Variants in PTPRZ1 observed in about 807,000 individuals in gnomAD.
PTPRZ1 encodes the protein receptor-type tyrosine-protein phosphatase zeta.
In PTPRZ1, 82 loss-of-function variants were observed where a neutral mutation model predicts 214.1. The observed-to-expected ratio is 0.38, with a 90% CI of 0.32 to 0.46. The LOEUF (loss-of-function observed/expected upper bound fraction) is 0.46. Ranked by LOEUF, PTPRZ1 falls within the 20% of genes least tolerant of loss-of-function variation. The pLI is 1.00. For missense variants in PTPRZ1, 2,603 were observed against 2,748.7 expected (o/e 0.95, Z 1.19); for synonymous variants, 945 against 987.9 (o/e 0.96, Z 0.81).
intron 8 of PTPRZ1, among the ~76,000 whole-genome samples, chr7:121,987,662 T>C (rs1056454042): frequency 1.3e-5 from 2 of 152,208 alleles, no homozygotes; most frequent in Non-Finnish European, 2.9e-5. Context: ...TGATTAGTGA[T>C]GGTGAGTAGT....
chr7:121,976,668 G>T, intron 5 of PTPRZ1, 117 bp from the exon 6 acceptor site: 3 of 806,240 alleles, frequency 3.7e-6, no homozygotes, highest in Non-Finnish European at 5.5e-6. Context: ...AGTGTTTTTG[G>T]AACTTACTAT....
intron 22 of PTPRZ1, among the ~76,000 whole-genome samples, chr7:122,044,195 A>C (rs938335148): frequency 1.3e-5 from 2 of 152,178 alleles, no homozygotes; most frequent in Non-Finnish European, 2.9e-5. Context: ...TGTATTGCCA[A>C]CAATACATAA....
intron 1 of PTPRZ1, among the ~76,000 whole-genome samples, chr7:121,874,667 C>T (rs565432325): frequency 6.6e-6 from 1 of 152,276 alleles, no homozygotes; most frequent in South Asian, 2.1e-4. Context: ...ATGAAAATTA[C>T]ATTGCAAATA....
intron 1 of PTPRZ1, among the ~76,000 whole-genome samples, chr7:121,898,845 G>T (rs1001431224): frequency 6.6e-6 from 1 of 152,216 alleles, no homozygotes; most frequent in East Asian, 1.9e-4. Context: ...AGCTTCAGGG[G>T]AAAAAAGCTA....
intron 6 of PTPRZ1, among the ~76,000 whole-genome samples, chr7:121,979,652 G>A (rs1367548923): frequency 1.3e-5 from 2 of 152,066 alleles, no homozygotes; most frequent in Non-Finnish European, 2.9e-5. Context: ...TCTCATGGAC[G>A]GATCTGATTA....
chr7:121,914,408 A>G (rs1337880919), intron 1 of PTPRZ1, among the ~76,000 whole-genome samples: 2 of 152,156 alleles, frequency 1.3e-5, no homozygotes, highest in African/African-American at 2.4e-5. Flanking sequence ...AGCTTTATGT[A>G]TAGAAAAGGT....
intron 1 of PTPRZ1, among the ~76,000 whole-genome samples, chr7:121,895,770 TCA>T (rs1563005824): frequency 6.6e-6 from 1 of 152,214 alleles, no homozygotes. Flanking sequence ...AAAATAATTG[TCA>T]GTGAAATGCA....
chr7:121,960,391 A>G (rs948800824), intron 2 of PTPRZ1, among the ~76,000 whole-genome samples: 1 of 152,216 alleles, frequency 6.6e-6, no homozygotes, highest in Non-Finnish European at 1.5e-5. Flanking sequence ...CAAGAAATTC[A>G]TTAAGAATGA....
intron 8 of PTPRZ1, among the ~76,000 whole-genome samples, chr7:121,985,801 C>T (rs990010851): frequency 6.6e-6 from 1 of 152,174 alleles, no homozygotes; most frequent in African/African-American, 2.4e-5. Context: ...ACGATGTGCT[C>T]AGCTTCTCCA....
At chr7:122,001,419 C>T (rs1389655837) in intron 10 of PTPRZ1, among the ~76,000 whole-genome samples, 2 of 151,956 alleles carry the variant, frequency 1.3e-5, no homozygotes, top group African/African-American at 2.4e-5. Flanking sequence ...GTTTTAGGGC[C>T]TTGATAATTA....
At chr7:121,985,884 C>T (rs1422659062) in intron 8 of PTPRZ1, among the ~76,000 whole-genome samples, 1 of 152,142 alleles carries the variant, frequency 6.6e-6, no homozygotes, top group Admixed American at 6.6e-5. Flanking sequence ...TCTCTGAGCC[C>T]CATAATGGAA....
chr7:122,033,826 C>A, intron 15 of PTPRZ1: 2 of 445,418 alleles, frequency 4.5e-6, no homozygotes, highest in Non-Finnish European at 7.9e-6. Context: ...CTCTCATCTG[C>A]ATTTTTAAAA....
chr7:121,899,774 C>T (rs1016302666), intron 1 of PTPRZ1, among the ~76,000 whole-genome samples: 2 of 152,190 alleles, frequency 1.3e-5, no homozygotes, highest in African/African-American at 4.8e-5. Context: ...GAGAGTATTA[C>T]ATGGTGTTCA....
Position 122,040,836 on chromosome 7 carries a change from C to A in PTPRZ1, c.5658C>A (p.Pro1886=). The A allele has an allele frequency of 6.4e-7, 1 of 1,572,678 alleles. No individual in the cohort carries two copies. Among genetic ancestry groups the A allele is most frequent in the South Asian group, 1.1e-5 (1 of 87,104 alleles). The change falls in exon 21 of 30, where the codon CCC becomes CCA. Residue 1886 remains proline (P), a synonymous_variant. Transcript: ENST00000393386. ...KIKKGSQKGR[P]SGRVVTQYHY... ...TCCAGGGCTCCCAGAAAGGAAGACCCAGTGGACGTGTGGTCACACAGTATC... is the reference window on the plus strand; with the variant it reads ...TCCAGGGCTCCCAGAAAGGAAGACCAAGTGGACGTGTGGTCACACAGTATC...
Position 122,061,226 on chromosome 7 carries a change from A to G in PTPRZ1, c.*6A>G. 3 of 1,579,542 alleles carry G rather than the reference A, an allele frequency of 1.9e-6. No individual in the cohort carries two copies. The highest frequency in any genetic ancestry group is 2.6e-6 in the Non-Finnish European group (3 of 1,159,436). On this transcript the variant is annotated 3_prime_UTR_variant, in exon 30 of 30. Coordinates refer to ENST00000393386, the MANE Select transcript of PTPRZ1 (RefSeq NM_002851.3). ...GCTTAGAGTCTTTAGTTTAACACAGAAAGGGGTGGGGGAACTCACATCTGA... is the reference window on the plus strand; with the variant it reads ...GCTTAGAGTCTTTAGTTTAACACAGGAAGGGGTGGGGGAACTCACATCTGA...
chr7:122,053,877 A>G, intron 25 of PTPRZ1, 33 bp from the exon 26 acceptor site: 1 of 1,609,934 alleles, frequency 6.2e-7, no homozygotes, highest in Non-Finnish European at 8.5e-7. Context: ...GGCATACGCC[A>G]GTGCTGTTTT....
chr7:122,010,031 G>A (rs969233918), intron 11 of PTPRZ1, among the ~76,000 whole-genome samples: 18 of 152,106 alleles, frequency 1.2e-4, no homozygotes, highest in Admixed American at 2.6e-4. Context: ...AAATAACACT[G>A]TCAATAAATA....
chr7:121,976,817 G>T lies in PTPRZ1; in HGVS notation c.585G>T (p.Ala195=). Residue 195 remains alanine (A), a synonymous_variant, in exon 6 of 30, where the codon GCG becomes GCT. Transcript: ENST00000393386. The part of the protein sequence containing the change: ...VGTEENLDFK[A]IIDGVESVSR... ...CAGAAGAAAATTTGGATTTCAAAGC[G>T]ATTATTGATGGAGTCGAAAGTGTTA... 6.2e-7 allele frequency: 1 copy of T among 1,610,992 alleles called. No homozygotes were observed. The highest frequency in any genetic ancestry group is 8.5e-7 in the Non-Finnish European group (1 of 1,178,436).
chr7:121,958,197 A>G (rs1371656511), intron 2 of PTPRZ1, among the ~76,000 whole-genome samples: 3 of 152,212 alleles, frequency 2.0e-5, no homozygotes, highest in Non-Finnish European at 4.4e-5. Context: ...TCTGAATTGC[A>G]AGTCTATCAT....
Sources: gnomAD v4.1 joint callset for allele counts (sites outside exome capture counted in the v4.1 genomes callset) on GRCh38, gnomAD v4.1.1 for gene constraint, MANE v1.5 for transcripts, NCBI Gene and HGNC (gene_info 2026-07-23, HGNC 2026-07-21) for gene names.